NDRG1: variants seen among roughly 807,000 people sequenced by gnomAD.
NDRG1 encodes the protein protein NDRG1.
NDRG1 carries 32 observed loss-of-function variants against 56.9 expected under a neutral mutation model. The observed-to-expected ratio is 0.56, with a 90% CI of 0.42 to 0.76. The LOEUF is 0.76. Among genes scored for constraint, NDRG1 ranks in the 30% least tolerant of loss-of-function variants. The pLI is 0.00. For synonymous variants in NDRG1, 211 were observed against 204.1 expected (o/e 1.03, Z -0.29); for missense variants, 507 against 545.7 (o/e 0.93, Z 0.71).
chr8:133,283,437 G>A (rs1857925327), intron 2 of NDRG1, among the ~76,000 whole-genome samples: 1 of 152,234 alleles, frequency 6.6e-6, no homozygotes, highest in African/African-American at 2.4e-5. Flanking sequence ...GGTGTCAACT[G>A]TGCAAATGTA....
At position 133,237,888 on chromosome 8, in the gene NDRG1, C is replaced by G. The variant is rs944950081; in HGVS notation, c.*990G>C. ...ACTGCACTGGATCTCAACACAACAA[C>G]AAGGAATCCCTTACATCGAGTAACC... On this transcript the variant is annotated 3_prime_UTR_variant, in exon 16 of 16. Coordinates refer to ENST00000323851, the MANE Select transcript of NDRG1 (RefSeq NM_006096.4). 9 of 232,990 alleles carry G rather than the reference C, an allele frequency of 3.9e-5. No homozygotes were observed. The highest frequency in any genetic ancestry group is 6.0e-5 in the East Asian group (1 of 16,580). The allele number at this position is 232,990 out of a possible 1,614,324, so 14.4% of individuals were successfully genotyped here.
chr8:133,283,756 T>A (rs1857942770), intron 2 of NDRG1, among the ~76,000 whole-genome samples: 1 of 152,242 alleles, frequency 6.6e-6, no homozygotes. Context: ...GACACCAAGC[T>A]GCAAAGTGTC....
intron 2 of NDRG1, among the ~76,000 whole-genome samples, chr8:133,280,677 A>C (rs1307691838): frequency 6.6e-6 from 1 of 151,980 alleles, no homozygotes; most frequent in Non-Finnish European, 1.5e-5. Flanking sequence ...CTCATGATCC[A>C]CCTGCCTCGG....
intron 3 of NDRG1, among the ~76,000 whole-genome samples, chr8:133,267,886 G>A (rs1856998378): frequency 6.6e-6 from 1 of 152,150 alleles, no homozygotes; most frequent in Admixed American, 6.5e-5. Flanking sequence ...AGGCAGGATG[G>A]GGACTCCCGG....
At chr8:133,266,408 G>A (rs1482961760) in intron 3 of NDRG1, among the ~76,000 whole-genome samples, 1 of 152,236 alleles carries the variant, frequency 6.6e-6, no homozygotes, top group Non-Finnish European at 1.5e-5. Flanking sequence ...CAGCAGAGAG[G>A]AAGGTCAGCG....
intron 15 of NDRG1, chr8:133,239,979 A>AG (rs1228878268): frequency 2.0e-5 from 3 of 152,268 alleles, no homozygotes; most frequent in African/African-American, 7.2e-5. Context: ...AGGGATATGC[A>AG]GGGGAGAAGT....
chr8:133,257,409 CAG>C (rs1856442429), intron 7 of NDRG1, among the ~76,000 whole-genome samples: 1 of 151,850 alleles, frequency 6.6e-6, no homozygotes, highest in South Asian at 2.1e-4. Context: ...GTGAAGATCT[CAG>C]AGTATACTTA....
intron 1 of NDRG1, chr8:133,296,677 C>T: frequency 2.5e-6 from 1 of 404,242 alleles, no homozygotes; most frequent in Admixed American, 2.6e-5. Context: ...CGCGCAATCT[C>T]TCCGTTCCCA....
chr8:133,274,846 T>G (rs933420312), intron 3 of NDRG1, among the ~76,000 whole-genome samples: 7 of 152,148 alleles, frequency 4.6e-5, no homozygotes, highest in African/African-American at 7.2e-5. Context: ...CTGCCGCCCC[T>G]GGGAAAGCCT....
intron 3 of NDRG1, among the ~76,000 whole-genome samples, chr8:133,266,522 C>A (rs923617994): frequency 7.2e-5 from 11 of 152,168 alleles, no homozygotes; most frequent in African/African-American, 2.4e-4. Context: ...AAAACAGGAA[C>A]AGCCTGGCCC....
At chr8:133,259,896 A>G (rs1444732929) in intron 5 of NDRG1, among the ~76,000 whole-genome samples, 3 of 152,202 alleles carry the variant, frequency 2.0e-5, no homozygotes, top group Non-Finnish European at 4.4e-5. Context: ...GCTTCTTGGA[A>G]GAAGTGACGC....
chr8:133,239,557 A>C, intron 15 of NDRG1: 1 of 219,638 alleles, frequency 4.6e-6, no homozygotes, highest in Non-Finnish European at 9.3e-6. Context: ...GGCCCTGCAC[A>C]TCACAGGTGG....
intron 9 of NDRG1, among the ~76,000 whole-genome samples, chr8:133,252,051 T>C (rs1856080295): frequency 2.6e-5 from 4 of 152,312 alleles, no homozygotes; most frequent in Non-Finnish European, 4.4e-5. Flanking sequence ...GCGCTTGACA[T>C]CGGAGTTCTA....
At chr8:133,275,555 TA>T (rs1203402232) in intron 3 of NDRG1, among the ~76,000 whole-genome samples, 1 of 151,908 alleles carries the variant, frequency 6.6e-6, no homozygotes, top group African/African-American at 2.4e-5. Context: ...TGTCACCACT[TA>T]AAAAAAAGCC....
intron 5 of NDRG1, among the ~76,000 whole-genome samples, chr8:133,261,464 C>A (rs1856656071): frequency 6.6e-6 from 1 of 152,140 alleles, no homozygotes; most frequent in South Asian, 2.1e-4. Flanking sequence ...GTAGTTAATG[C>A]CTCCATGCCT....
intron 1 of NDRG1, among the ~76,000 whole-genome samples, chr8:133,294,265 T>C (rs913812200): frequency 6.6e-6 from 1 of 152,136 alleles, no homozygotes; most frequent in African/African-American, 2.4e-5. Flanking sequence ...AACAGGCAAA[T>C]CCTGAAACTC....
intron 13 of NDRG1, chr8:133,244,769 G>A (rs146913675): frequency 2.9e-5 from 11 of 376,568 alleles, no homozygotes; most frequent in African/African-American, 2.2e-4. Flanking sequence ...GAAAGGGTTT[G>A]ATAAACAAGA....
intron 4 of NDRG1, among the ~76,000 whole-genome samples, chr8:133,263,378 A>G (rs1429530858): frequency 1.3e-5 from 2 of 152,228 alleles, no homozygotes; most frequent in East Asian, 3.8e-4. Context: ...GCAAGCTTGC[A>G]ATACTCAAGT....
At position 133,238,996 on chromosome 8, in the gene NDRG1, GTGT is replaced by G; in HGVS notation, c.1064_1066del (p.His355_Thr356delinsPro). ...CGAGCGGCTGCGGGTGCCCTCGCTG[GTGT>G]GGGAGCGGCTTCGGGTGCCCTCGCT... On this transcript the variant is annotated inframe_deletion, in exon 16 of 16. Transcript: ENST00000323851. The G allele has an allele frequency of 6.3e-7, 1 of 1,596,518 alleles. No individual in the cohort carries two copies. The highest frequency in any genetic ancestry group is 8.5e-7 in the Non-Finnish European group (1 of 1,172,938).
Sources: allele counts gnomAD v4.1 joint callset (sites outside exome capture counted in the v4.1 genomes callset), GRCh38; gene constraint gnomAD v4.1.1; transcripts MANE v1.5; gene names NCBI Gene and HGNC (gene_info 2026-07-23, HGNC 2026-07-21).